GYG1: variants seen among roughly 807,000 people sequenced by gnomAD.
GYG1 encodes the protein glycogenin-1.
GYG1 carries 44 observed loss-of-function variants against 41.9 expected under a neutral mutation model. The ratio of observed to expected loss-of-function variants is 1.05; its 90% CI spans 0.83 to 1.35. The LOEUF (loss-of-function observed/expected upper bound fraction) is 1.35, where lower values mean the gene tolerates loss of function less well. Among genes scored for constraint, GYG1 ranks in the 40% most tolerant of loss-of-function variants. The probability of loss-of-function intolerance (pLI) is 0.00; values close to 1 mark genes in which losing one functional copy is unlikely to be tolerated. For synonymous variants in GYG1, 141 were observed against 158.1 expected, an observed-to-expected ratio of 0.89 and a Z score of 0.81; for missense variants, 429 against 418.9, an observed-to-expected ratio of 1.02 and a Z score of -0.21.
chr3:149,010,409 C>T (rs1409097937), intron 5 of GYG1, among the ~76,000 whole-genome samples: 1 of 150,380 alleles, frequency 6.6e-6, no homozygotes, highest in Non-Finnish European at 1.5e-5. Flanking sequence ...CTCACTGCAA[C>T]CTCCACCTCC....
rs1295399357 is a variant in GYG1, at chr3:149,024,032, C to G, written c.609-21C>G. The G allele has an allele frequency of 2.5e-6, 4 of 1,574,766 alleles. No individual in the cohort carries two copies. In the East Asian group the frequency reaches 8.9e-5, roughly 35 times the overall value. ...AGTACTCAGAATCCACTAACTGTTT[C>G]AACTTGCGTTCACTTGGCAGGTTTG... On this transcript the variant is annotated intron_variant, in intron 5 of 7. Coordinates refer to ENST00000345003, the MANE Select transcript of GYG1 (RefSeq NM_004130.4).
intron 4 of GYG1, chr3:149,008,044 A>T (rs1713504019): frequency 6.6e-6 from 1 of 152,260 alleles, no homozygotes; most frequent in South Asian, 2.1e-4. Flanking sequence ...ACTTTGCTGT[A>T]TCATTGTAGC....
chr3:148,996,260 G>GAA (rs773178770), intron 2 of GYG1, 42 bp from the exon 3 acceptor site: 44 of 1,454,568 alleles, frequency 3.0e-5, no homozygotes, highest in Non-Finnish European at 5.8e-6. Flanking sequence ...CACTTGTTCT[G>GAA]AAAAGATGCT....
chr3:149,025,618 T>G (rs997782256), intron 6 of GYG1, among the ~76,000 whole-genome samples: 1 of 152,170 alleles, frequency 6.6e-6, no homozygotes, highest in Non-Finnish European at 1.5e-5. Flanking sequence ...AAGTATTATA[T>G]CTCCTTTTAT....
At chr3:148,995,139 G>A (rs1473484939) in intron 2 of GYG1, among the ~76,000 whole-genome samples, 3 of 152,222 alleles carry the variant, frequency 2.0e-5, no homozygotes, top group Non-Finnish European at 2.9e-5. Context: ...GAACCCGGGA[G>A]GCAGAGGTTG....
Position 149,027,073 on chromosome 3 carries a change from G to A in GYG1, c.*140G>A, listed in dbSNP as rs1230846498. On this transcript the variant is annotated 3_prime_UTR_variant, in exon 8 of 8. Coordinates refer to ENST00000345003, the MANE Select transcript of GYG1 (RefSeq NM_004130.4). ...CTTATCAGATGAGAGGCTTTTTTAG[G>A]ATAAGAGGTGAGAACTGGGCAAAAG... The A allele has an allele frequency of 4.7e-6, 4 of 844,552 alleles. No homozygotes were observed. The highest frequency in any genetic ancestry group is 3.8e-6 in the Non-Finnish European group (2 of 525,782). 52.3% of individuals were successfully genotyped at this position (844,552 alleles called of 1,614,324 possible).
chr3:149,016,673 A>C (rs1714068734), intron 5 of GYG1, among the ~76,000 whole-genome samples: 1 of 152,116 alleles, frequency 6.6e-6, no homozygotes, highest in South Asian at 2.1e-4. Context: ...GCTATCTTCT[A>C]GTGATGGGAT....
chr3:148,997,524 G>A (rs1712877260), intron 4 of GYG1, among the ~76,000 whole-genome samples: 1 of 152,092 alleles, frequency 6.6e-6, no homozygotes, highest in Non-Finnish European at 1.5e-5. Context: ...TTATATAATG[G>A]TTCTGTCTGT....
At chr3:148,993,257 T>C (rs981098437) in intron 1 of GYG1, among the ~76,000 whole-genome samples, 2 of 146,222 alleles carry the variant, frequency 1.4e-5, no homozygotes, top group African/African-American at 5.0e-5. Flanking sequence ...TGTATTTACC[T>C]TCTCTTCTGG....
intron 5 of GYG1, among the ~76,000 whole-genome samples, chr3:149,018,302 T>A (rs1318012845): frequency 6.6e-6 from 1 of 152,202 alleles, no homozygotes. Context: ...ATGATGTGTC[T>A]TATGAAAGCT....
intron 5 of GYG1, among the ~76,000 whole-genome samples, chr3:149,017,373 A>G (rs910705345): frequency 6.6e-6 from 1 of 151,830 alleles, no homozygotes; most frequent in Non-Finnish European, 1.5e-5. Flanking sequence ...TCAGTAATGT[A>G]GAGACAATTG....
In GYG1 at chr3:149,024,266, A is replaced by G; in HGVS notation, c.822A>G (p.Val274=). The G allele has an allele frequency of 6.3e-7, 1 of 1,582,192 alleles. No homozygotes were observed. The highest frequency in any genetic ancestry group is 2.2e-5 in the East Asian group (1 of 44,748). Reference sequence around the variant, plus strand: ...TTGTCAAAGACACCTGCTCATATGTAAATGTGGTAGGTTCTGTTTCTTTTC... The same window carrying G: ...TTGTCAAAGACACCTGCTCATATGTGAATGTGGTAGGTTCTGTTTCTTTTC... ...FGLVKDTCSY[V]NVLSDLVYTL... Residue 274 remains valine, a synonymous_variant, in exon 6 of 8, where the codon GTA becomes GTG. Coordinates refer to ENST00000345003, the MANE Select transcript of GYG1 (RefSeq NM_004130.4).
At chr3:149,020,899 C>A (rs1055772353) in intron 5 of GYG1, among the ~76,000 whole-genome samples, 1 of 152,170 alleles carries the variant, frequency 6.6e-6, no homozygotes, top group African/African-American at 2.4e-5. Context: ...GAAGGAATAT[C>A]TCATTCTTAT....
chr3:149,016,271 AAAAAAC>A lies in GYG1; in HGVS notation c.608+6875_608+6880del, dbSNP rs1285196742. On this transcript the variant is annotated intron_variant, in intron 5 of 7. Transcript: ENST00000345003. ...GCAAGACTCCGTCTCAAAAAAAAAAAAAAAACAAAAAAGAAAAAAAAAAAAGAGCCA... is the reference window on the plus strand; with the variant it reads ...GCAAGACTCCGTCTCAAAAAAAAAAAAAAAAAGAAAAAAAAAAAAGAGCCA... Among the ~76,000 whole-genome samples the A allele has an allele frequency of 8.4e-3, 1,269 of 150,694 alleles. 3 individuals carry two copies. Among genetic ancestry groups the A allele is most frequent in the Non-Finnish European group, 0.014 (951 of 67,508 alleles).
Position 148,994,293 on chromosome 3 carries a change from C to T in GYG1, c.143+16C>T, listed in dbSNP as rs1306105471. 1 of 1,613,138 alleles carries T rather than the reference C, an allele frequency of 6.2e-7. No homozygotes were observed. The highest frequency in any genetic ancestry group is 8.5e-7 in the Non-Finnish European group (1 of 1,179,310). Reference sequence around the variant, plus strand: ...ACTCCATGAGGTGAGGACCTCGCTGCCACCCCAGCATCCAAGGGGCTCTGA... The same window carrying T: ...ACTCCATGAGGTGAGGACCTCGCTGTCACCCCAGCATCCAAGGGGCTCTGA... On this transcript the variant is annotated intron_variant, in intron 2 of 7. Transcript: ENST00000345003.
At chr3:149,009,623 T>C (rs1713608575) in intron 5 of GYG1, among the ~76,000 whole-genome samples, 1 of 152,170 alleles carries the variant, frequency 6.6e-6, no homozygotes, top group Non-Finnish European at 1.5e-5. Flanking sequence ...GGGACAAGGT[T>C]CCCATCAGTT....
rs1043683877 is a variant in GYG1, at chr3:149,028,522, T to C, written c.*1589T>C. 6.6e-6 allele frequency among the ~76,000 whole-genome samples: 1 copy of C among 152,106 alleles called. No individual in the cohort carries two copies. Among genetic ancestry groups the C allele is most frequent in the South Asian group, 2.1e-4 (1 of 4,826 alleles). On this transcript the variant is annotated 3_prime_UTR_variant, in exon 8 of 8. Transcript: ENST00000345003. ...CAAAATTTTAGCTAGTCAGAGGTCT[T>C]TCTGGCTTCCGAGTCCCTGGTTAAG...
Position 149,028,448 on chromosome 3 carries a change from AT to A in GYG1, c.*1518del, listed in dbSNP as rs1271088542. On this transcript the variant is annotated 3_prime_UTR_variant, in exon 8 of 8. Transcript: ENST00000345003. ...ACAATGAAGCATTTACCAAAGATTT[AT>A]TTAAGTGCCTCCATGTGTCAGATGC... Among the ~76,000 whole-genome samples, 1 of 152,198 alleles carries A rather than the reference AT, an allele frequency of 6.6e-6. No homozygotes were observed. Among genetic ancestry groups the A allele is most frequent in the East Asian group, 1.9e-4 (1 of 5,194 alleles).
intron 6 of GYG1, among the ~76,000 whole-genome samples, chr3:149,025,325 A>G (rs901616861): frequency 6.6e-6 from 1 of 152,154 alleles, no homozygotes; most frequent in Non-Finnish European, 1.5e-5. Flanking sequence ...ACAGTTTACA[A>G]TAGAGTTCAC....
Sources: gnomAD v4.1 joint callset for allele counts (sites outside exome capture counted in the v4.1 genomes callset) on GRCh38, gnomAD v4.1.1 for gene constraint, MANE v1.5 for transcripts, NCBI Gene and HGNC (gene_info 2026-07-23, HGNC 2026-07-21) for gene names.